The following USP15 variants were observed in gnomAD, a reference collection of about 807,000 sequenced individuals.
USP15 encodes the protein ubiquitin carboxyl-terminal hydrolase 15.
Under a neutral mutation model 127.1 loss-of-function variants are expected in USP15, and 18 were observed. That is an observed-to-expected ratio of 0.14 (90% CI 0.10 to 0.21). The LOEUF (loss-of-function observed/expected upper bound fraction) is 0.21. USP15 is among the 10% of genes least tolerant of loss of function. The pLI, the probability that USP15 is intolerant of heterozygous loss-of-function variation, is 1.00. For missense variants in USP15, 805 were observed against 1,159.9 expected (o/e 0.69, Z 4.44); for synonymous variants, 364 against 393.7 (o/e 0.92, Z 0.89).
intron 6 of USP15, among the ~76,000 whole-genome samples, chr12:62,344,532 A>G (rs2065751414): frequency 6.6e-6 from 1 of 152,172 alleles, no homozygotes; most frequent in African/African-American, 2.4e-5. Context: ...GCAAGCTGTC[A>G]GTAGATCTAC....
At position 62,355,358 on chromosome 12, in the gene USP15, A is replaced by G. The variant is rs2066089040; in HGVS notation, c.798A>G (p.Pro266=). The G allele has an allele frequency of 2.5e-6, 4 of 1,609,374 alleles. No homozygotes were observed. The South Asian group carries it at 3.3e-5, about 13-fold the overall frequency. The change falls in exon 8 of 22, where the codon CCA becomes CCG. Residue 266 remains proline (P), a synonymous_variant. Coordinates refer to ENST00000280377, the MANE Select transcript of USP15 (RefSeq NM_001252078.2). The part of the protein sequence containing the change: ...RNVKNSNYCL[P]SYTAYKNYDY... The stretch of plus-strand genomic sequence containing the variant: ...TGAAAAACTCAAATTACTGTCTTCC[A>G]TCATATACCGCTTATAAGAACTATG...
chr12:62,380,628 CA>C (rs1254961594), intron 8 of USP15, among the ~76,000 whole-genome samples: 1 of 151,552 alleles, frequency 6.6e-6, no homozygotes, highest in Non-Finnish European at 1.5e-5. Flanking sequence ...CATCCTACAG[CA>C]AAAAAAATTT....
intron 1 of USP15, among the ~76,000 whole-genome samples, chr12:62,276,542 T>G (rs1479138454): frequency 6.6e-6 from 1 of 152,144 alleles, no homozygotes; most frequent in African/African-American, 2.4e-5. Context: ...GTGCTTTTCC[T>G]TTTATATGAG....
chr12:62,286,551 CACTT>C (rs1244450950), intron 1 of USP15, among the ~76,000 whole-genome samples: 1 of 152,144 alleles, frequency 6.6e-6, no homozygotes, highest in Non-Finnish European at 1.5e-5. Context: ...ACCAAAAAGA[CACTT>C]ACACTCATAT....
chr12:62,328,371 CAT>C (rs756947971), intron 6 of USP15: 2 of 430,328 alleles, frequency 4.6e-6, no homozygotes, highest in East Asian at 1.4e-4. Flanking sequence ...CATGTCAAGA[CAT>C]GGCAATGCCT....
intron 5 of USP15, among the ~76,000 whole-genome samples, chr12:62,322,784 C>G (rs1423311827): frequency 6.6e-6 from 1 of 152,094 alleles, no homozygotes; most frequent in East Asian, 1.9e-4. Flanking sequence ...ATGGTTTAAC[C>G]TTGTACCTAC....
intron 6 of USP15, among the ~76,000 whole-genome samples, chr12:62,346,737 C>T (rs887599134): frequency 6.6e-6 from 1 of 152,162 alleles, no homozygotes; most frequent in Non-Finnish European, 1.5e-5. Flanking sequence ...CATGCTCCAG[C>T]ACAATTGGAT....
chr12:62,323,997 T>C (rs530863587), intron 5 of USP15, among the ~76,000 whole-genome samples: 1 of 136,092 alleles, frequency 7.3e-6, no homozygotes, highest in East Asian at 2.0e-4. Flanking sequence ...AACCCTCTCC[T>C]GGACCTTTTT....
At chr12:62,335,080 G>C (rs2065419837) in intron 6 of USP15, 7 of 1,390,598 alleles carry the variant, frequency 5.0e-6, no homozygotes, top group Non-Finnish European at 5.9e-6. Flanking sequence ...GCCCAAACTG[G>C]CCAAAATTAG....
At chr12:62,335,412 A>G (rs575139276) in intron 6 of USP15, 2 of 1,387,116 alleles carry the variant, frequency 1.4e-6, no homozygotes, top group East Asian at 2.7e-5. Context: ...AAATTGTTGT[A>G]CTTTACCTGT....
intron 4 of USP15, among the ~76,000 whole-genome samples, chr12:62,320,192 G>T (rs1303465073): frequency 6.6e-6 from 1 of 152,188 alleles, no homozygotes; most frequent in East Asian, 1.9e-4. Context: ...TGTTGGAGGA[G>T]GTGCCTGCTG....
chr12:62,373,772 A>C (rs1405971366), intron 8 of USP15, among the ~76,000 whole-genome samples: 1 of 151,980 alleles, frequency 6.6e-6, no homozygotes, highest in African/African-American at 2.4e-5. Context: ...TATTGCTGTC[A>C]CAAAATATGT....
At chr12:62,390,560 T>C (rs753501416) in intron 14 of USP15, among the ~76,000 whole-genome samples, 23 of 152,120 alleles carry the variant, frequency 1.5e-4, no homozygotes, top group Non-Finnish European at 2.9e-4. Flanking sequence ...GATCACATTA[T>C]ACAAATATAA....
intron 8 of USP15, among the ~76,000 whole-genome samples, chr12:62,369,047 C>A (rs11174445): frequency 1.3e-5 from 2 of 152,080 alleles, no homozygotes; most frequent in Non-Finnish European, 2.9e-5. Context: ...CATTGGCATA[C>A]CCAGTTTTAA....
chr12:62,393,012 T>C, intron 18 of USP15, 41 bp from the exon 19 acceptor site: 1 of 1,597,564 alleles, frequency 6.3e-7, no homozygotes, highest in Non-Finnish European at 8.5e-7. Context: ...GGGGGTTGTT[T>C]GTACCTCTAT....
chr12:62,393,258 G>A, intron 19 of USP15, 56 bp downstream of exon 19: 1 of 1,569,460 alleles, frequency 6.4e-7, no homozygotes, highest in Non-Finnish European at 8.6e-7. Flanking sequence ...AAACTTATTT[G>A]ATGCTTTTTG....
chr12:62,401,117 T>C (rs971709137), intron 20 of USP15, 70 bp from the exon 21 acceptor site: 1 of 975,090 alleles, frequency 1.0e-6, no homozygotes, highest in Non-Finnish European at 1.6e-6. Flanking sequence ...TATAGATGAT[T>C]ATAGAGTTTT....
At chr12:62,359,713 C>T (rs1170890219) in intron 8 of USP15, among the ~76,000 whole-genome samples, 1 of 151,958 alleles carries the variant, frequency 6.6e-6, no homozygotes, top group Non-Finnish European at 1.5e-5. Context: ...TTTATCAACC[C>T]TTTAATTTCT....
intron 8 of USP15, among the ~76,000 whole-genome samples, chr12:62,365,240 G>A (rs949842205): frequency 1.3e-4 from 20 of 151,936 alleles, no homozygotes; most frequent in Non-Finnish European, 2.1e-4. Context: ...ACTAATGATC[G>A]CCATTCTAAC....
Sources: allele counts gnomAD v4.1 joint callset (sites outside exome capture counted in the v4.1 genomes callset), GRCh38; gene constraint gnomAD v4.1.1; transcripts MANE v1.5; gene names NCBI Gene and HGNC (gene_info 2026-07-23, HGNC 2026-07-21).